GPHN: variants seen among roughly 807,000 people sequenced by gnomAD.
GPHN encodes the protein gephyrin.
In GPHN, 17 loss-of-function variants were observed where a neutral mutation model predicts 95.5. The ratio of observed to expected loss-of-function variants is 0.18; its 90% CI spans 0.12 to 0.27. GPHN has a LOEUF of 0.27. Among genes scored for constraint, GPHN ranks in the 10% least tolerant of loss-of-function variants. The pLI is 1.00. For missense variants in GPHN, 660 were observed against 978.1 expected (o/e 0.67, Z 4.34); for synonymous variants, 320 against 322.5 (o/e 0.99, Z 0.08).
chr14:66,719,437 G>A (rs1217341300), intron 2 of GPHN, among the ~76,000 whole-genome samples: 1 of 152,164 alleles, frequency 6.6e-6, no homozygotes, highest in Admixed American at 6.5e-5. Context: ...TTCGGGGGCT[G>A]AGAATCTCCC....
At chr14:67,265,132 G>A in the GPHN span, among the ~76,000 whole-genome samples, 4 of 152,152 alleles carry the variant, frequency 2.6e-5, no homozygotes, top group Admixed American at 1.3e-4. Context: ...TATGAAAATA[G>A]CAGTTGTTTC....
the GPHN span, chr14:67,198,398 G>T: frequency 4.3e-6 from 6 of 1,387,996 alleles, no homozygotes; most frequent in Non-Finnish European, 6.0e-6. Flanking sequence ...AGGATGGTAG[G>T]AGAATTGTTT....
chr14:66,858,990 A>G (rs2062913282), intron 4 of GPHN, among the ~76,000 whole-genome samples: 2 of 152,128 alleles, frequency 1.3e-5, no homozygotes, highest in South Asian at 2.1e-4. Flanking sequence ...CTTCAGTAAA[A>G]TAGAACACCA....
chr14:67,663,138 T>C, the GPHN span: 2 of 1,531,026 alleles, frequency 1.3e-6, no homozygotes, highest in Non-Finnish European at 8.7e-7. Context: ...GCCTTTCCCA[T>C]TCTGTCCCTT....
intron 1 of GPHN, among the ~76,000 whole-genome samples, chr14:66,599,258 A>G (rs2062116546): frequency 6.6e-6 from 1 of 152,018 alleles, no homozygotes; most frequent in Admixed American, 6.5e-5. Flanking sequence ...CATGAATCCC[A>G]AATTTATCCT....
At chr14:67,496,402 T>C in the GPHN span, among the ~76,000 whole-genome samples, 1 of 125,530 alleles carries the variant, frequency 8.0e-6, no homozygotes, top group African/African-American at 3.0e-5. Context: ...TTTTTTTTTT[T>C]TTTTTTTTTT....
the GPHN span, among the ~76,000 whole-genome samples, chr14:67,600,734 C>G: frequency 6.6e-6 from 1 of 152,210 alleles, no homozygotes; most frequent in Admixed American, 6.5e-5. Flanking sequence ...CGCGCGCCAC[C>G]ACGCCCTGCT....
chr14:66,616,791 T>C (rs2063057426), intron 1 of GPHN, among the ~76,000 whole-genome samples: 1 of 152,102 alleles, frequency 6.6e-6, no homozygotes, highest in South Asian at 2.1e-4. Context: ...CACTGCAACC[T>C]CTGCCTCCCA....
At chr14:67,095,368 T>G (rs1184945119) in intron 12 of GPHN, among the ~76,000 whole-genome samples, 1 of 152,188 alleles carries the variant, frequency 6.6e-6, no homozygotes, top group South Asian at 2.1e-4. Context: ...GAAGTCAGTG[T>G]GGCGATTCCT....
chr14:67,253,761 A>G, the GPHN span, among the ~76,000 whole-genome samples: 23,291 of 151,656 alleles, frequency 0.15, 3,387 homozygotes, highest in East Asian at 0.42. Flanking sequence ...GGATTACCTA[A>G]GCCCAGAAAG....
At chr14:66,833,085 T>A (rs983602466) in intron 4 of GPHN, among the ~76,000 whole-genome samples, 4 of 152,090 alleles carry the variant, frequency 2.6e-5, no homozygotes, top group Non-Finnish European at 4.4e-5. Context: ...AATGAGAGAT[T>A]TACTGTATTA....
intron 1 of GPHN, among the ~76,000 whole-genome samples, chr14:66,620,862 T>C (rs1164444334): frequency 6.6e-6 from 1 of 152,180 alleles, no homozygotes; most frequent in African/African-American, 2.4e-5. Context: ...CTAGATACAA[T>C]GGAGGTACAG....
chr14:66,574,635 T>A (rs375382559), intron 1 of GPHN, among the ~76,000 whole-genome samples: 181 of 152,334 alleles, frequency 1.2e-3, no homozygotes, highest in African/African-American at 4.0e-3. Context: ...AGGGAATTGG[T>A]AAAGCATTGT....
chr14:67,088,709 A>G (rs1056075867), intron 11 of GPHN, among the ~76,000 whole-genome samples: 9 of 152,236 alleles, frequency 5.9e-5, no homozygotes, highest in Non-Finnish European at 1.3e-4. Flanking sequence ...AGGATTACTG[A>G]CACATCAACT....
At chr14:66,586,268 T>C (rs1431503034) in intron 1 of GPHN, among the ~76,000 whole-genome samples, 1 of 152,096 alleles carries the variant, frequency 6.6e-6, no homozygotes, top group Non-Finnish European at 1.5e-5. Context: ...CCCTTTATTT[T>C]GAGCCTATGT....
intron 1 of GPHN, among the ~76,000 whole-genome samples, chr14:66,633,798 A>C (rs1254520478): frequency 6.6e-6 from 1 of 152,138 alleles, no homozygotes; most frequent in East Asian, 1.9e-4. Context: ...GTATCCCATC[A>C]GATTGCTTAT....
intron 11 of GPHN, among the ~76,000 whole-genome samples, chr14:67,059,520 C>G (rs2075740424): frequency 2.6e-5 from 4 of 152,116 alleles, no homozygotes; most frequent in Admixed American, 2.6e-4. Flanking sequence ...AAATAAAAAA[C>G]TTTATAGAAT....
chr14:67,352,994 G>T, the GPHN span: 1 of 1,613,934 alleles, frequency 6.2e-7, no homozygotes, highest in Non-Finnish European at 8.5e-7. Flanking sequence ...AGGAGGTTTC[G>T]ACCTGTCTGT....
At chr14:67,685,824 C>A in the GPHN span, among the ~76,000 whole-genome samples, 1 of 152,042 alleles carries the variant, frequency 6.6e-6, no homozygotes, top group African/African-American at 2.4e-5. Flanking sequence ...TCATGTTGGC[C>A]AGACTGGTCT....
Sources: allele counts gnomAD v4.1 joint callset (sites outside exome capture counted in the v4.1 genomes callset), GRCh38; gene constraint gnomAD v4.1.1; transcripts MANE v1.5; gene names NCBI Gene and HGNC (gene_info 2026-07-23, HGNC 2026-07-21).